The following TUSC3 variants were observed in gnomAD, a reference collection of about 807,000 sequenced individuals.
TUSC3 encodes tumor suppressor candidate 3.
In TUSC3, 45 loss-of-function variants were observed where a neutral mutation model predicts 44.8. The observed-to-expected ratio is 1.00, with a 90% CI of 0.79 to 1.29. The LOEUF is 1.29. Among genes scored for constraint, TUSC3 ranks in the 50% most tolerant of loss-of-function variants. The pLI, the probability that TUSC3 is intolerant of heterozygous loss-of-function variation, is 0.00. For missense variants in TUSC3, 519 were observed against 437.9 expected (o/e 1.19, Z -1.65); for synonymous variants, 212 against 152.9 (o/e 1.39, Z -2.85).
intron 2 of TUSC3, among the ~76,000 whole-genome samples, chr8:15,623,643 A>C (rs993959046): frequency 6.6e-6 from 1 of 151,998 alleles, no homozygotes; most frequent in African/African-American, 2.4e-5. Context: ...ACCGCCAATG[A>C]TTAGAAATTT....
intron 1 of TUSC3, among the ~76,000 whole-genome samples, chr8:15,426,965 A>G (rs1799810682): frequency 6.6e-6 from 1 of 152,112 alleles, no homozygotes; most frequent in African/African-American, 2.4e-5. Context: ...CCTGAGCATT[A>G]GTGATGTTGA....
intron 1 of TUSC3, among the ~76,000 whole-genome samples, chr8:15,556,571 A>G (rs915263934): frequency 1.3e-5 from 2 of 148,648 alleles, no homozygotes; most frequent in African/African-American, 4.9e-5. Context: ...TCCCTGAGGA[A>G]TCGCCACACT....
chr8:15,428,231 G>C (rs1283359543), intron 1 of TUSC3, among the ~76,000 whole-genome samples: 10 of 146,554 alleles, frequency 6.8e-5, no homozygotes, highest in Admixed American at 6.3e-4. Flanking sequence ...TTGGTTTTTT[G>C]TCCTCACGAT....
intron 1 of TUSC3, among the ~76,000 whole-genome samples, chr8:15,468,781 A>G (rs917736514): frequency 4.6e-5 from 7 of 152,210 alleles, no homozygotes; most frequent in South Asian, 4.1e-4. Flanking sequence ...AGGAGATTCA[A>G]GGGATTCCTC....
At chr8:15,692,437 A>G (rs538480284) in intron 6 of TUSC3, among the ~76,000 whole-genome samples, 6 of 107,674 alleles carry the variant, frequency 5.6e-5, no homozygotes, top group Non-Finnish European at 1.0e-4. Flanking sequence ...GCTCTTCTTT[A>G]TACATCTGGT....
intron 2 of TUSC3, among the ~76,000 whole-genome samples, chr8:15,525,977 G>A (rs959325122): frequency 2.0e-5 from 3 of 152,114 alleles, no homozygotes; most frequent in Non-Finnish European, 4.4e-5. Flanking sequence ...GGGAGACAGT[G>A]AGGGTTTTCA....
chr8:15,762,567 C>T (rs1323441092), intron 10 of TUSC3, among the ~76,000 whole-genome samples: 1 of 152,112 alleles, frequency 6.6e-6, no homozygotes, highest in African/African-American at 2.4e-5. Flanking sequence ...TCGTTAGCAG[C>T]AATAAAGATT....
chr8:15,418,887 TC>T (rs1306000881), intron 1 of TUSC3, among the ~76,000 whole-genome samples: 10 of 152,116 alleles, frequency 6.6e-5, no homozygotes, highest in Non-Finnish European at 1.2e-4. Flanking sequence ...ATGCCTGTAG[TC>T]CTAGCTACTT....
intron 6 of TUSC3, among the ~76,000 whole-genome samples, chr8:15,708,568 A>T (rs1394883606): frequency 6.6e-6 from 1 of 151,996 alleles, no homozygotes; most frequent in Non-Finnish European, 1.5e-5. Context: ...GAGAGGGTTG[A>T]AATGATTTTG....
chr8:15,589,894 C>T (rs1429056294), intron 1 of TUSC3, among the ~76,000 whole-genome samples: 1 of 152,138 alleles, frequency 6.6e-6, no homozygotes, highest in African/African-American at 2.4e-5. Flanking sequence ...TTCTCACTAT[C>T]CCTAGTGAGG....
intron 2 of TUSC3, among the ~76,000 whole-genome samples, chr8:15,627,987 G>A (rs533696815): frequency 3.9e-4 from 59 of 152,154 alleles, no homozygotes; most frequent in Admixed American, 1.7e-3. Context: ...CTGGCGAAGC[G>A]ACACCCCAAG....
the TUSC3 span, among the ~76,000 whole-genome samples, chr8:15,843,691 T>C: frequency 2.6e-5 from 4 of 151,682 alleles, no homozygotes; most frequent in Non-Finnish European, 5.9e-5. Flanking sequence ...ATATGGTGTA[T>C]ATCTATATCT....
chr8:15,690,242 T>A (rs1480318892), intron 6 of TUSC3, among the ~76,000 whole-genome samples: 2 of 152,176 alleles, frequency 1.3e-5, no homozygotes, highest in East Asian at 1.9e-4. Flanking sequence ...GGTTTTGATT[T>A]GCATTTCTGT....
intron 2 of TUSC3, among the ~76,000 whole-genome samples, chr8:15,521,035 A>C (rs1585074327): frequency 6.6e-6 from 1 of 152,202 alleles, no homozygotes; most frequent in East Asian, 1.9e-4. Context: ...AAGGGACCAA[A>C]CATTGAGTCC....
chr8:15,543,126 C>T (rs895859823), intron 1 of TUSC3, among the ~76,000 whole-genome samples: 6 of 152,198 alleles, frequency 3.9e-5, no homozygotes, highest in African/African-American at 1.4e-4. Context: ...GTTATTTTGA[C>T]AGTATGTGGT....
At chr8:15,425,482 A>T (rs905340752) in intron 1 of TUSC3, among the ~76,000 whole-genome samples, 1 of 152,226 alleles carries the variant, frequency 6.6e-6, no homozygotes, top group African/African-American at 2.4e-5. Flanking sequence ...TTATTGGGGT[A>T]TAAGAAGATG....
Position 15,452,128 on chromosome 8 carries a change from C to A in TUSC3, n.92-31258C>A, listed in dbSNP as rs1052571394. 3.3e-5 allele frequency among the ~76,000 whole-genome samples: 5 copies of A among 152,236 alleles called. No individual in the cohort carries two copies. The South Asian group carries it at 8.3e-4, about 25-fold the overall frequency. On this transcript the variant is annotated intron_variant and non_coding_transcript_variant, in intron 1 of 5. Transcript: ENST00000503191. Reference sequence around the variant, plus strand: ...TTAATGGTAATAGTGTTTTACATGACGTTAACCGTGAAGTTATTGAGTGTT... The same window carrying A: ...TTAATGGTAATAGTGTTTTACATGAAGTTAACCGTGAAGTTATTGAGTGTT...
At chr8:15,681,517 T>A (rs1808429981) in intron 6 of TUSC3, among the ~76,000 whole-genome samples, 1 of 151,622 alleles carries the variant, frequency 6.6e-6, no homozygotes, top group Non-Finnish European at 1.5e-5. Flanking sequence ...AGTTGTAATG[T>A]CACCTTTGTC....
intron 3 of TUSC3, among the ~76,000 whole-genome samples, chr8:15,655,193 A>C (rs1329145174): frequency 6.6e-6 from 1 of 152,188 alleles, no homozygotes; most frequent in South Asian, 2.1e-4. Flanking sequence ...TAGGAAAGGC[A>C]GTCTCCCAGT....
Sources: gnomAD v4.1 joint callset for allele counts (sites outside exome capture counted in the v4.1 genomes callset) on GRCh38, gnomAD v4.1.1 for gene constraint, MANE v1.5 for transcripts, NCBI Gene and HGNC (gene_info 2026-07-23, HGNC 2026-07-21) for gene names.